Variants in ADAM33 observed in about 807,000 individuals in gnomAD.
ADAM33 encodes disintegrin and metalloproteinase domain-containing protein 33.
In ADAM33, 103 loss-of-function variants were observed where a neutral mutation model predicts 106.2. The observed-to-expected ratio is 0.97, with a 90% confidence interval of 0.83 to 1.14. ADAM33 has a LOEUF of 1.14. Ranked by LOEUF, ADAM33 falls within the 50% of genes most tolerant of loss-of-function variation. ADAM33 has a pLI of 0.00. For synonymous variants in ADAM33, 483 were observed against 453.0 expected, an observed-to-expected ratio of 1.07 and a Z score of -0.84; for missense variants, 1,120 against 1,096.6, an observed-to-expected ratio of 1.02 and a Z score of -0.30.
Position 3,681,780 on chromosome 20 carries a change from T to C in ADAM33, c.97+128A>G, listed in dbSNP as rs933299858. On this transcript the variant is annotated intron_variant, in intron 1 of 21. Coordinates refer to ENST00000356518, the MANE Select transcript of ADAM33 (RefSeq NM_025220.5). Reference sequence around the variant, plus strand: ...CCCAAAGAGTCCCCACGCCCTGACCTACTGGCCGTATGGTGCCGGGGCCGT... The same window carrying C: ...CCCAAAGAGTCCCCACGCCCTGACCCACTGGCCGTATGGTGCCGGGGCCGT... 84 of 1,355,802 alleles carry C rather than the reference T, an allele frequency of 6.2e-5. 2 individuals are homozygous for C. The highest frequency in any genetic ancestry group is 4.1e-5 in the Non-Finnish European group (43 of 1,041,454). The allele number at this position is 1,355,802 out of a possible 1,614,324, so 84.0% of individuals were successfully genotyped here.
rs1040715208 is a variant in ADAM33, at chr20:3,668,512, C to T, written c.*451G>A. On this transcript the variant is annotated 3_prime_UTR_variant, in exon 22 of 22. Transcript: ENST00000356518. ...TGTTTGTTTGCAGAGGCCAGCCAGG[C>T]TCCAGGGGAGTGTGGACTCAGTCGA... The T allele has an allele frequency of 2.0e-5, 4 of 197,786 alleles. No individual in the cohort carries two copies. Among genetic ancestry groups the T allele is most frequent in the African/African-American group, 6.9e-5 (3 of 43,254 alleles). The allele number at this position is 197,786 out of a possible 1,614,324, so 12.3% of individuals were successfully genotyped here. A position where few individuals can be genotyped will look rare whatever the true frequency, so the allele number is the denominator to read the frequency against.
chr20:3,676,721 T>C (rs1162348222), intron 3 of ADAM33, among the ~76,000 whole-genome samples: 1 of 152,188 alleles, frequency 6.6e-6, no homozygotes, highest in Admixed American at 6.5e-5. Context: ...TCTTGGTCCC[T>C]GCCATTCCCT....
At chr20:3,674,941 C>T in intron 4 of ADAM33, 86 bp downstream of exon 4, 2 of 1,609,418 alleles carry the variant, frequency 1.2e-6, no homozygotes, top group Non-Finnish European at 8.5e-7. Context: ...TCCAACCGCC[C>T]CTTAGGAATG....
chr20:3,675,185 A>C lies in ADAM33; in HGVS notation c.255-80T>G. Reference sequence around the variant, plus strand: ...GGATGTCTCCCAGCCTTCCTCCCTAAATGCTAATGGAGCAGCTTTATGAGT... The same window carrying C: ...GGATGTCTCCCAGCCTTCCTCCCTACATGCTAATGGAGCAGCTTTATGAGT... On this transcript the variant is annotated intron_variant, in intron 3 of 21. Coordinates refer to ENST00000356518, the MANE Select transcript of ADAM33 (RefSeq NM_025220.5). The surrounding 1 kb of genome is among the most constrained non-coding windows in gnomAD (Gnocchi z 4.1). The C allele has an allele frequency of 9.1e-7, 1 of 1,093,406 alleles. No individual in the cohort carries two copies. The highest frequency in any genetic ancestry group is 1.4e-6 in the Non-Finnish European group (1 of 734,900). The allele number at this position is 1,093,406 out of a possible 1,614,324, so 67.7% of individuals were successfully genotyped here. A position where few individuals can be genotyped will look rare whatever the true frequency, so the allele number is the denominator to read the frequency against.
rs570065517 is a variant in ADAM33, at chr20:3,675,659, A to G, written c.255-554T>C. Among the ~76,000 whole-genome samples the G allele has an allele frequency of 1.3e-5, 2 of 152,206 alleles. No homozygotes were observed. Among genetic ancestry groups the G allele is most frequent in the African/African-American group, 4.8e-5 (2 of 41,518 alleles). On this transcript the variant is annotated intron_variant, in intron 3 of 21. Transcript: ENST00000356518. This position sits in a 1 kb window ranked among gnomAD's most constrained non-coding sequence, Gnocchi z 4.1. ...CTCACCCCCTGCCTCCAGAGAAAAC[A>G]GAATCGCCACCTGCCCACGCTGCTT... is the stretch of plus-strand genomic sequence containing the variant.
chr20:3,680,484 TTC>T (rs1005760678), intron 1 of ADAM33, among the ~76,000 whole-genome samples: 18 of 152,148 alleles, frequency 1.2e-4, no homozygotes, highest in African/African-American at 3.9e-4. Context: ...CTCCTCCACC[TTC>T]TCTCCCAGAC....
Position 3,673,573 on chromosome 20 carries a change from C to T in ADAM33, c.990+1G>A. The T allele has an allele frequency of 1.4e-6, 2 of 1,389,494 alleles. No individual in the cohort carries two copies. Among genetic ancestry groups the T allele is most frequent in the Admixed American group, 3.5e-5 (1 of 28,642 alleles). 86.1% of individuals were successfully genotyped at this position (1,389,494 alleles called of 1,614,324 possible). Reference sequence around the variant, plus strand: ...CCCTCGCCCCCGCCCGCGGGGCTCACCGTGCTCACGCCTCCCGAGCTCTCG... The same window carrying T: ...CCCTCGCCCCCGCCCGCGGGGCTCATCGTGCTCACGCCTCCCGAGCTCTCG... On this transcript the variant is annotated splice_donor_variant, in intron 10 of 21. Transcript: ENST00000356518. LOFTEE classifies it high-confidence loss of function.
In ADAM33 at chr20:3,669,547, C is replaced by T. The variant is rs559005355; in HGVS notation, c.2331G>A (p.Leu777=). 13 of 1,585,760 alleles carry T rather than the reference C, an allele frequency of 8.2e-6. No homozygotes were observed. In the South Asian group the frequency reaches 1.0e-4, roughly 13 times the overall value. Residue 777 remains leucine (L), a splice_region_variant and synonymous_variant, in exon 20 of 22, where the codon CTG becomes CTA. Coordinates refer to ENST00000356518, the MANE Select transcript of ADAM33 (RefSeq NM_025220.5). The part of the protein sequence containing the change: ...GPTATGQPWP[L]DPENSHEPSS... ...ACCTCCCCCTGGTGCCTCACTCACC[C>T]AGGGGCCAGGGCTGTCCAGTGGCTG... is the stretch of plus-strand genomic sequence containing the variant.
chr20:3,674,959 G>C, intron 4 of ADAM33, 68 bp downstream of exon 4: 1 of 1,610,634 alleles, frequency 6.2e-7, no homozygotes, highest in Non-Finnish European at 8.5e-7. Flanking sequence ...ATGCAAGGAG[G>C]AGTAGGGGTA....
rs113150830 is a variant in ADAM33 at position 3,672,708 on chromosome 20, G to A, written c.1311+13C>T. On this transcript the variant is annotated intron_variant, in intron 12 of 21. Transcript: ENST00000356518. The stretch of plus-strand genomic sequence containing the variant: ...CGGAGAGGGCAAGTGGGGGCCGGGC[G>A]AGCCGACTTAACCTGGCCAGGGCCG... 184 of 1,585,934 alleles carry A rather than the reference G, an allele frequency of 1.2e-4. 3 individuals carry two copies. In the South Asian group the frequency reaches 1.5e-3, roughly 13 times the overall value.
chr20:3,669,732 C>G (rs41423545), intron 19 of ADAM33, 95 bp from the exon 20 acceptor site: 2 of 1,173,038 alleles, frequency 1.7e-6, no homozygotes, highest in Non-Finnish European at 2.5e-6. Flanking sequence ...GGGAGTTCTG[C>G]GTTTACTGAG....
At chr20:3,673,263 A>G in intron 11 of ADAM33, 91 bp downstream of exon 11, 2 of 1,534,160 alleles carry the variant, frequency 1.3e-6, no homozygotes, top group Non-Finnish European at 1.7e-6. Flanking sequence ...ATTTTACAGA[A>G]GAGGAAACTG....
chr20:3,673,697 G>A, intron 9 of ADAM33, 39 bp from the exon 10 acceptor site: 9 of 1,363,738 alleles, frequency 6.6e-6, no homozygotes, highest in East Asian at 6.0e-5. Context: ...GGGGCCGGGA[G>A]GTGAGGCCGC....
chr20:3,668,852 G>A lies in ADAM33; in HGVS notation c.*111C>T, dbSNP rs2087345961. 6.1e-6 allele frequency: 8 copies of A among 1,306,782 alleles called. No homozygotes were observed. The highest frequency in any genetic ancestry group is 2.2e-4 in the Middle Eastern group (1 of 4,572). 80.9% of individuals were successfully genotyped at this position (1,306,782 alleles called of 1,614,324 possible). On this transcript the variant is annotated 3_prime_UTR_variant, in exon 22 of 22. Coordinates refer to ENST00000356518, the MANE Select transcript of ADAM33 (RefSeq NM_025220.5). The stretch of plus-strand genomic sequence containing the variant: ...CGGGGAAGAAACTTCCAAGCTGCCT[G>A]CAGGTGCTGGAGGTCCGGTGATTCA...
chr20:3,673,015 G>A (rs1460600513), intron 11 of ADAM33, 117 bp from the exon 12 acceptor site: 3 of 1,436,266 alleles, frequency 2.1e-6, no homozygotes, highest in African/African-American at 2.9e-5. Context: ...CCAGAGAGGG[G>A]AAGTAACCCG....
Position 3,672,909 on chromosome 20 carries a change from G to A in ADAM33, c.1134-11C>T, listed in dbSNP as rs749629551. On this transcript the variant is annotated splice_polypyrimidine_tract_variant and intron_variant, in intron 11 of 21. Coordinates refer to ENST00000356518, the MANE Select transcript of ADAM33 (RefSeq NM_025220.5). ...CGCGGAAACGGGTGCCTACCGGCAC[G>A]GGGAGGGCATTGGGCATGGAGGGAC... is the stretch of plus-strand genomic sequence containing the variant. 2.1e-5 allele frequency: 32 copies of A among 1,556,070 alleles called. No homozygotes were observed. The highest frequency in any genetic ancestry group is 2.5e-5 in the Non-Finnish European group (29 of 1,160,882).
intron 1 of ADAM33, 92 bp downstream of exon 1, chr20:3,681,816 G>T: frequency 6.8e-7 from 1 of 1,473,404 alleles, no homozygotes; most frequent in Non-Finnish European, 8.9e-7. Flanking sequence ...GAGACCCTCC[G>T]CGCGCTGACC....
At chr20:3,680,574 G>A (rs758857098) in intron 1 of ADAM33, among the ~76,000 whole-genome samples, 7 of 152,182 alleles carry the variant, frequency 4.6e-5, no homozygotes, top group African/African-American at 1.7e-4. Flanking sequence ...GATGAGGGCC[G>A]AGAGGAGTCT....
Position 3,673,654 on chromosome 20 carries a change from G to T in ADAM33, c.910C>A (p.Arg304Ser). Residue 304 changes from arginine (R) to serine (S), a missense_variant, in exon 10 of 22, where the codon CGC becomes AGC. Transcript: ENST00000356518. ...PHDSAQLLTG[R>S]AFQGATVGLA... ...CCCACTGTGGCGCCCTGGAAGGCGC[G>T]GCCCCTGGGGGCGGAGCGCGGCGTG... 7.4e-7 allele frequency: 1 copy of T among 1,345,192 alleles called. No homozygotes were observed. Among genetic ancestry groups the T allele is most frequent in the East Asian group, 3.1e-5 (1 of 32,388 alleles). The allele number at this position is 1,345,192 out of a possible 1,614,324, so 83.3% of individuals were successfully genotyped here. A position where few individuals can be genotyped will look rare whatever the true frequency, so the allele number is the denominator to read the frequency against.
Sources: gnomAD v4.1 joint callset for allele counts (sites outside exome capture counted in the v4.1 genomes callset) on GRCh38, gnomAD v4.1.1 for gene constraint, Gnocchi (gnomAD v3.1) non-coding constraint, MANE v1.5 for transcripts, NCBI Gene and HGNC (gene_info 2026-07-23, HGNC 2026-07-21) for gene names.